RASA2: variants seen among roughly 807,000 people sequenced by gnomAD.
RASA2 encodes the protein RAS p21 protein activator 2.
RASA2 carries 155 observed loss-of-function variants against 118.2 expected under a neutral mutation model. The ratio of observed to expected loss-of-function variants is 1.31; its 90% confidence interval spans 1.15 to 1.50. The LOEUF (loss-of-function observed/expected upper bound fraction) is 1.50. Among genes scored for constraint, RASA2 ranks in the 40% most tolerant of loss-of-function variants. The probability of loss-of-function intolerance (pLI) is 0.00; values close to 1 mark genes in which losing one functional copy is unlikely to be tolerated. For missense variants in RASA2, 1,016 were observed against 1,009.6 expected, an observed-to-expected ratio of 1.01 and a Z score of -0.09; for synonymous variants, 353 against 349.1, an observed-to-expected ratio of 1.01 and a Z score of -0.12.
chr3:141,550,483 A>G (rs902058253), intron 5 of RASA2, among the ~76,000 whole-genome samples: 2 of 152,224 alleles, frequency 1.3e-5, no homozygotes, highest in African/African-American at 2.4e-5. Context: ...GTCCTAGATC[A>G]AAAAAGGACA....
intron 3 of RASA2, among the ~76,000 whole-genome samples, chr3:141,518,252 C>T (rs575041253): frequency 4.2e-4 from 63 of 151,018 alleles, no homozygotes; most frequent in African/African-American, 1.4e-3. Context: ...TTTGGGAGGC[C>T]GAGGTGGGCA....
At chr3:141,499,811 A>T (rs1178667986) in intron 1 of RASA2, among the ~76,000 whole-genome samples, 1 of 152,110 alleles carries the variant, frequency 6.6e-6, no homozygotes, top group Non-Finnish European at 1.5e-5. Context: ...GTTAGCCAGG[A>T]TGGTCTCGAT....
intron 17 of RASA2, among the ~76,000 whole-genome samples, chr3:141,582,105 A>G (rs148754634): frequency 6.6e-6 from 1 of 152,344 alleles, no homozygotes; most frequent in African/African-American, 2.4e-5. Flanking sequence ...AGCAAAGCCA[A>G]ATGTTAAAGA....
At chr3:141,584,536 G>A (rs1269749239) in intron 17 of RASA2, among the ~76,000 whole-genome samples, 2 of 151,998 alleles carry the variant, frequency 1.3e-5, no homozygotes, top group Non-Finnish European at 2.9e-5. Flanking sequence ...TATAAATGGC[G>A]ATTAGATTTC....
chr3:141,517,963 T>C (rs1340433702), intron 3 of RASA2, among the ~76,000 whole-genome samples: 2 of 151,978 alleles, frequency 1.3e-5, no homozygotes, highest in East Asian at 3.9e-4. Context: ...CCAATAAATA[T>C]ATTTCTTAAA....
chr3:141,579,753 T>C (rs919929133), intron 15 of RASA2, among the ~76,000 whole-genome samples: 1 of 151,950 alleles, frequency 6.6e-6, no homozygotes, highest in African/African-American at 2.4e-5. Flanking sequence ...ATATATAATA[T>C]TGATAAAATT....
chr3:141,527,322 G>A (rs1434644446), intron 3 of RASA2, among the ~76,000 whole-genome samples: 1 of 152,104 alleles, frequency 6.6e-6, no homozygotes, highest in African/African-American at 2.4e-5. Context: ...AATTTCACCA[G>A]AAGTCTACTG....
chr3:141,519,875 T>A (rs962461833), intron 3 of RASA2, among the ~76,000 whole-genome samples: 9 of 152,048 alleles, frequency 5.9e-5, no homozygotes, highest in African/African-American at 1.7e-4. Flanking sequence ...AATACTAATA[T>A]ATTAGGGTCT....
rs201793250 is a variant in RASA2, at chr3:141,607,695, A to G, written c.1951A>G (p.Thr651Ala). The G allele has an allele frequency of 2.1e-5, 34 of 1,597,086 alleles. No homozygotes were observed. The Admixed American group carries it at 5.9e-4, about 28-fold the overall frequency. Residue 651 changes from threonine (T) to alanine (A), a missense_variant, in exon 20 of 24, where the codon ACA becomes GCA. Physicochemically the swap from Thr to Ala is moderately conservative, Grantham distance 58 (BLOSUM62 0). Around this residue, in one of 2 missense-constraint regions of RASA2, gnomAD observed 896 missense variants for 836.4 expected, o/e 1.07. Transcript: ENST00000286364. ...TTATTTAGGCAAAGATGCAATCTAC[A>G]CAATCCCAGTAAAAAACATTCTTGC... is the stretch of plus-strand genomic sequence containing the variant. ...HKQPGKDAIY[T>A]IPVKNILAVE...
intron 3 of RASA2, among the ~76,000 whole-genome samples, chr3:141,524,047 C>A (rs984427806): frequency 2.0e-5 from 3 of 152,216 alleles, no homozygotes; most frequent in African/African-American, 7.2e-5. Flanking sequence ...TTATCTACTG[C>A]TATGTAAGTA....
intron 1 of RASA2, among the ~76,000 whole-genome samples, chr3:141,507,472 A>G (rs2081886496): frequency 6.6e-6 from 1 of 152,206 alleles, no homozygotes; most frequent in East Asian, 1.9e-4. Context: ...TTTTAGGATC[A>G]GAAAGACTTT....
intron 8 of RASA2, among the ~76,000 whole-genome samples, 158 bp downstream of exon 8, chr3:141,559,120 T>A (rs948027972): frequency 1.3e-5 from 2 of 152,172 alleles, no homozygotes; most frequent in African/African-American, 4.8e-5. Flanking sequence ...CCAGATTATC[T>A]TTCCAAAGTC....
At chr3:141,497,642 G>GC (rs963017636) in intron 1 of RASA2, among the ~76,000 whole-genome samples, 1 of 151,644 alleles carries the variant, frequency 6.6e-6, no homozygotes, top group African/African-American at 2.4e-5. Context: ...AGGGTGGATG[G>GC]CTTGAGCTCA....
rs759631203 is a variant in RASA2, at chr3:141,580,357, A to G, written c.1591-11A>G. On this transcript the variant is annotated splice_polypyrimidine_tract_variant and intron_variant, in intron 15 of 23. Coordinates refer to ENST00000286364, the MANE Select transcript of RASA2 (RefSeq NM_006506.5). ...AAACTTAGTAGTTTTGGTCTTTTTTACATTCTTTAGGATGCACAGACAATT... is the reference window on the plus strand; with the variant it reads ...AAACTTAGTAGTTTTGGTCTTTTTTGCATTCTTTAGGATGCACAGACAATT... 2.5e-6 allele frequency: 4 copies of G among 1,570,642 alleles called. No individual in the cohort carries two copies. In the Admixed American group the frequency reaches 7.3e-5, roughly 29 times the overall value.
In RASA2 at chr3:141,571,540, C is replaced by T. The variant is rs1244808231; in HGVS notation, c.1155C>T (p.Asp385=). The change falls in exon 11 of 24, where the codon GAC becomes GAT. Residue 385 remains aspartate (D), a synonymous_variant. Coordinates refer to ENST00000286364, the MANE Select transcript of RASA2 (RefSeq NM_006506.5). ...TTGCCACTGCTGTGGCTGAATTAGA[C>T]TTGAAGGATACACAGTAAGAGTTAT... ...VPFATAVAEL[D]LKDTQDANTI... is the part of the protein sequence containing the mutation. 1 of 1,610,898 alleles carries T rather than the reference C, an allele frequency of 6.2e-7. No homozygotes were observed.
At position 141,613,972 on chromosome 3, in the gene RASA2, T is replaced by G. The variant is rs2107808189; in HGVS notation, c.*1659T>G. ...GTAGATTCCATAAACTACACTGATT[T>G]ATACATTTGAAAGAATTTAGCCATT... On this transcript the variant is annotated 3_prime_UTR_variant, in exon 24 of 24. Coordinates refer to ENST00000286364, the MANE Select transcript of RASA2 (RefSeq NM_006506.5). 1 of 152,342 alleles carries G rather than the reference T, an allele frequency of 6.6e-6. No homozygotes were observed. Among genetic ancestry groups the G allele is most frequent in the South Asian group, 2.1e-4 (1 of 4,828 alleles). 9.4% of individuals were successfully genotyped at this position (152,342 alleles called of 1,614,324 possible). A position where few individuals can be genotyped will look rare whatever the true frequency, so the allele number is the denominator to read the frequency against.
intron 3 of RASA2, among the ~76,000 whole-genome samples, chr3:141,522,279 A>G (rs1294640375): frequency 6.6e-6 from 1 of 152,146 alleles, no homozygotes; most frequent in African/African-American, 2.4e-5. Flanking sequence ...TGGATCAGTC[A>G]GTAGAGATGG....
chr3:141,561,522 T>G (rs2082729818), intron 9 of RASA2, among the ~76,000 whole-genome samples: 1 of 152,234 alleles, frequency 6.6e-6, no homozygotes, highest in Non-Finnish European at 1.5e-5. Flanking sequence ...ATCTGGTAAT[T>G]CATATATAAT....
At chr3:141,586,814 G>A (rs970854826) in intron 19 of RASA2, 62 bp downstream of exon 19, 38 of 1,331,336 alleles carry the variant, frequency 2.9e-5, no homozygotes, top group African/African-American at 1.3e-4. Context: ...TTTCTTTGCC[G>A]CTTATTGTGA....
Sources: allele counts gnomAD v4.1 joint callset (sites outside exome capture counted in the v4.1 genomes callset), GRCh38; gene constraint gnomAD v4.1.1; regional missense constraint gnomAD v4.1.1; transcripts MANE v1.5; gene names NCBI Gene and HGNC (gene_info 2026-07-23, HGNC 2026-07-21).